PNKD: variants seen among roughly 807,000 people sequenced by gnomAD.
PNKD encodes probable thioesterase PNKD.
In PNKD, 36 loss-of-function variants were observed where a neutral mutation model predicts 45.3. The observed-to-expected ratio is 0.80, with a 90% CI of 0.61 to 1.05. The LOEUF is 1.05. Among genes scored for constraint, PNKD ranks in the 50% least tolerant of loss-of-function variants. PNKD has a pLI of 0.00. For missense variants in PNKD, 511 were observed against 506.6 expected (o/e 1.01, Z -0.08); for synonymous variants, 197 against 210.1 (o/e 0.94, Z 0.54).
At chr2:218,306,180 G>C (rs907496100) in intron 2 of PNKD, among the ~76,000 whole-genome samples, 2 of 152,186 alleles carry the variant, frequency 1.3e-5, no homozygotes, top group Non-Finnish European at 2.9e-5. Context: ...AGAGAACTGG[G>C]CTGAGACCAT....
At chr2:218,272,792 C>CT (rs762357362) in intron 2 of PNKD, 1 of 1,613,776 alleles carries the variant, frequency 6.2e-7, no homozygotes, top group Non-Finnish European at 8.5e-7. Context: ...AGGCTATTGA[C>CT]TGTTAAGTCC....
At chr2:218,321,721 C>T (rs1355378616) in intron 2 of PNKD, among the ~76,000 whole-genome samples, 4 of 149,594 alleles carry the variant, frequency 2.7e-5, no homozygotes, top group South Asian at 2.1e-4. Flanking sequence ...CTCCACCTCC[C>T]GGGTTCAAGC....
At chr2:218,280,204 A>C in intron 2 of PNKD, 37 of 1,070,560 alleles carry the variant, frequency 3.5e-5, no homozygotes, top group Non-Finnish European at 4.8e-5. Flanking sequence ...TGACAATCTC[A>C]AAGTCTCAGG....
rs1365840667 is a variant in PNKD, at chr2:218,326,487, C to T, written c.237-13296C>T. ...TAGCCATGTGACCTTGAACAAATAACTTCTCTGTGCCTTAGTTGTTTGCAT... is the reference window on the plus strand; with the variant it reads ...TAGCCATGTGACCTTGAACAAATAATTTCTCTGTGCCTTAGTTGTTTGCAT... On this transcript the variant is annotated intron_variant, in intron 2 of 9. Coordinates refer to ENST00000273077, the MANE Select transcript of PNKD (RefSeq NM_015488.5). The surrounding 1 kb of genome is among the most constrained non-coding windows in gnomAD (Gnocchi z 4.1). 6.6e-6 allele frequency among the ~76,000 whole-genome samples: 1 copy of T among 152,186 alleles called. No homozygotes were observed. The highest frequency in any genetic ancestry group is 6.5e-5 in the Admixed American group (1 of 15,274).
chr2:218,276,818 CCA>C (rs1342192178), intron 2 of PNKD, among the ~76,000 whole-genome samples: 2 of 152,122 alleles, frequency 1.3e-5, no homozygotes, highest in Admixed American at 6.5e-5. Flanking sequence ...CCGCCCATCT[CCA>C]CACAGAGAGT....
At position 218,270,582 on chromosome 2, in the gene PNKD, G is replaced by A; in HGVS notation, c.47G>A (p.Arg16Lys). 2.6e-6 allele frequency: 3 copies of A among 1,139,378 alleles called. No individual in the cohort carries two copies. Among genetic ancestry groups the A allele is most frequent in the Non-Finnish European group, 3.4e-6 (3 of 874,868 alleles). The allele number at this position is 1,139,378 out of a possible 1,614,324, so 70.6% of individuals were successfully genotyped here. ...ACGGCGCTGAAGGGCCGGGGGGCGAGAAATGCCCGCGTCCTCCGGGGTAAG... is the reference window on the plus strand; with the variant it reads ...ACGGCGCTGAAGGGCCGGGGGGCGAAAAATGCCCGCGTCCTCCGGGGTAAG... Reference protein sequence around the residue: ...AATALKGRGARNARVLRGILA... With the variant: ...AATALKGRGAKNARVLRGILA... The change falls in exon 1 of 10, where the codon AGA becomes AAA. Residue 16 changes from arginine (R) to lysine (K), a missense_variant. Coordinates refer to ENST00000273077, the MANE Select transcript of PNKD (RefSeq NM_015488.5).
At chr2:218,276,740 T>C (rs975379945) in intron 2 of PNKD, among the ~76,000 whole-genome samples, 2 of 152,082 alleles carry the variant, frequency 1.3e-5, no homozygotes, top group Admixed American at 6.5e-5. Context: ...GCCAGCCAGA[T>C]TGAACCCACC....
At chr2:218,273,236 CGA>C (rs1690923964) in intron 2 of PNKD, among the ~76,000 whole-genome samples, 1 of 151,908 alleles carries the variant, frequency 6.6e-6, no homozygotes, top group Non-Finnish European at 1.5e-5. Context: ...CCAAATGACT[CGA>C]CTCTGGGCCT....
rs1215037965 is a variant in PNKD, at chr2:218,300,547, TTTTC to T, written c.236+29002_236+29005del. On this transcript the variant is annotated intron_variant, in intron 2 of 9. Coordinates refer to ENST00000273077, the MANE Select transcript of PNKD (RefSeq NM_015488.5). ...GTCTACATTTTTTTCTTTTCTTTTC[TTTTC>T]TTTTTTTTTTTTGAGATGGAGTCTC... Among the ~76,000 whole-genome samples the T allele has an allele frequency of 4.1e-3, 44 of 10,856 alleles. No homozygotes were observed. In the East Asian group the frequency reaches 0.14, roughly 34 times the overall value. The allele number at this position is 10,856 out of a possible 152,430, so 7.1% of individuals were successfully genotyped here. A position where few individuals can be genotyped will look rare whatever the true frequency, so the allele number is the denominator to read the frequency against.
In PNKD at chr2:218,270,559, G is replaced by T. The variant is rs371342116; in HGVS notation, c.24G>T (p.Thr8=). Residue 8 remains threonine (T), a synonymous_variant, in exon 1 of 10, where the codon ACG becomes ACT. Coordinates refer to ENST00000273077, the MANE Select transcript of PNKD (RefSeq NM_015488.5). ...ACATGGCGGCGGTGGTAGCTGCTAC[G>T]GCGCTGAAGGGCCGGGGGGCGAGAA... MAAVVAA[T]ALKGRGARNA... is the part of the protein sequence containing the mutation. 1 of 1,223,734 alleles carries T rather than the reference G, an allele frequency of 8.2e-7. No individual in the cohort carries two copies. Among genetic ancestry groups the T allele is most frequent in the Non-Finnish European group, 1.1e-6 (1 of 947,934 alleles). 75.8% of individuals were successfully genotyped at this position (1,223,734 alleles called of 1,614,324 possible).
intron 2 of PNKD, among the ~76,000 whole-genome samples, chr2:218,289,111 G>C (rs948638888): frequency 7.2e-5 from 11 of 152,238 alleles, no homozygotes; most frequent in Admixed American, 3.3e-4. Flanking sequence ...GCACCTGCGT[G>C]AATAGGCAGC....
At chr2:218,325,993 T>C (rs1486874832) in intron 2 of PNKD, among the ~76,000 whole-genome samples, 6 of 151,066 alleles carry the variant, frequency 4.0e-5, no homozygotes, top group Non-Finnish European at 8.8e-5. Context: ...GGAAAGGAGA[T>C]ATTTGCAGGA....
chr2:218,332,418 A>G (rs1694354027), intron 2 of PNKD, among the ~76,000 whole-genome samples: 2 of 152,322 alleles, frequency 1.3e-5, no homozygotes, highest in African/African-American at 4.8e-5. Context: ...TCACTCACCA[A>G]TTCTGCAGGC....
At chr2:218,291,618 T>G (rs1300808795) in intron 2 of PNKD, among the ~76,000 whole-genome samples, 1 of 152,008 alleles carries the variant, frequency 6.6e-6, no homozygotes, top group East Asian at 1.9e-4. Flanking sequence ...GGAGACCCCA[T>G]AGGACAAGAA....
intron 2 of PNKD, among the ~76,000 whole-genome samples, chr2:218,278,787 G>A (rs1691539189): frequency 6.6e-6 from 1 of 152,240 alleles, no homozygotes; most frequent in Admixed American, 6.5e-5. Context: ...CAGCTGACGG[G>A]CTGAGAGGAC....
chr2:218,272,853 G>A (rs2106179619), intron 2 of PNKD: 5 of 1,605,410 alleles, frequency 3.1e-6, no homozygotes, highest in Non-Finnish European at 4.3e-6. Flanking sequence ...ACCAGAGGGC[G>A]CATGAAGCCC....
intron 2 of PNKD, among the ~76,000 whole-genome samples, chr2:218,333,004 C>T (rs536133703): frequency 7.9e-5 from 12 of 152,324 alleles, no homozygotes; most frequent in African/African-American, 2.4e-4. Context: ...GCCGCTGGCT[C>T]GGTCTTGCAG....
chr2:218,273,680 G>A (rs1459772267), intron 2 of PNKD, among the ~76,000 whole-genome samples: 1 of 149,562 alleles, frequency 6.7e-6, no homozygotes, highest in Non-Finnish European at 1.5e-5. Flanking sequence ...TAGTAGAGAT[G>A]GGGTTTCACC....
At chr2:218,297,168 C>G (rs1023055977) in intron 2 of PNKD, among the ~76,000 whole-genome samples, 9 of 152,142 alleles carry the variant, frequency 5.9e-5, no homozygotes, top group Non-Finnish European at 1.2e-4. Flanking sequence ...GGGAGCCTCT[C>G]AGGCTTGAAT....
Sources: gnomAD v4.1 joint callset for allele counts (sites outside exome capture counted in the v4.1 genomes callset) on GRCh38, gnomAD v4.1.1 for gene constraint, Gnocchi (gnomAD v3.1) non-coding constraint, MANE v1.5 for transcripts, NCBI Gene and HGNC (gene_info 2026-07-23, HGNC 2026-07-21) for gene names.